The following NELL1 variants were observed in gnomAD, a reference collection of about 807,000 sequenced individuals.
The protein encoded by NELL1 is protein kinase C-binding protein NELL1.
In NELL1, 76 loss-of-function variants were observed where a neutral mutation model predicts 107.4. The observed-to-expected ratio is 0.71, with a 90% CI of 0.59 to 0.86. The LOEUF (loss-of-function observed/expected upper bound fraction) is 0.86, where lower values mean the gene tolerates loss of function less well. Ranked by LOEUF, NELL1 falls within the 40% of genes least tolerant of loss-of-function variation. The pLI, the probability that NELL1 is intolerant of heterozygous loss-of-function variation, is 0.00. For missense variants in NELL1, 1,024 were observed against 1,005.5 expected, an observed-to-expected ratio of 1.02 and a Z score of -0.25; for synonymous variants, 353 against 341.2, an observed-to-expected ratio of 1.03 and a Z score of -0.38.
At chr11:21,288,824 T>G (rs1326801960) in intron 14 of NELL1, among the ~76,000 whole-genome samples, 1 of 152,174 alleles carries the variant, frequency 6.6e-6, no homozygotes, top group Non-Finnish European at 1.5e-5. Context: ...AATCACCTCA[T>G]TCACATGGCT....
chr11:21,209,187 T>C (rs1364115035), intron 13 of NELL1, among the ~76,000 whole-genome samples: 1 of 152,082 alleles, frequency 6.6e-6, no homozygotes, highest in Non-Finnish European at 1.5e-5. Context: ...AACTGTGTTG[T>C]ATTATAAATA....
chr11:21,337,448 T>C (rs1337446799), intron 14 of NELL1, among the ~76,000 whole-genome samples: 1 of 152,204 alleles, frequency 6.6e-6, no homozygotes. Context: ...TCTTCCATTT[T>C]ATAGCTATGC....
At chr11:20,757,104 T>G (rs1277829778) in intron 2 of NELL1, among the ~76,000 whole-genome samples, 3 of 152,082 alleles carry the variant, frequency 2.0e-5, no homozygotes, top group Non-Finnish European at 4.4e-5. Context: ...TTTTTCTCTG[T>G]AACTCCTTTC....
At chr11:21,041,776 G>T (rs1853238920) in intron 12 of NELL1, among the ~76,000 whole-genome samples, 2 of 152,260 alleles carry the variant, frequency 1.3e-5, no homozygotes, top group Non-Finnish European at 2.9e-5. Flanking sequence ...AATAATTATG[G>T]GTCTTACACA....
chr11:20,905,537 G>C (rs1407064963), intron 5 of NELL1, among the ~76,000 whole-genome samples: 1 of 152,000 alleles, frequency 6.6e-6, no homozygotes, highest in African/African-American at 2.4e-5. Context: ...AAAGAAATAA[G>C]TCACGAAAAT....
At chr11:21,059,505 C>G (rs1392455091) in intron 12 of NELL1, among the ~76,000 whole-genome samples, 1 of 152,000 alleles carries the variant, frequency 6.6e-6, no homozygotes, top group African/African-American at 2.4e-5. Context: ...CAAAAGGCAT[C>G]CCAATAAGAA....
At chr11:21,358,469 C>T (rs760880951) in intron 14 of NELL1, among the ~76,000 whole-genome samples, 26 of 151,516 alleles carry the variant, frequency 1.7e-4, no homozygotes, top group Admixed American at 1.4e-3. Flanking sequence ...GCATGATCTC[C>T]GCTCACTGCA....
chr11:20,716,559 G>A (rs1407756800), intron 2 of NELL1, among the ~76,000 whole-genome samples: 2 of 152,104 alleles, frequency 1.3e-5, no homozygotes, highest in African/African-American at 2.4e-5. Flanking sequence ...GTCCATGTAC[G>A]TGTGTATGTA....
chr11:20,933,056 G>A (rs748072233), intron 9 of NELL1, among the ~76,000 whole-genome samples: 1 of 152,238 alleles, frequency 6.6e-6, no homozygotes, highest in African/African-American at 2.4e-5. Flanking sequence ...AAATAAACCA[G>A]TGTTGGTTTT....
chr11:21,384,342 G>A (rs1945447), intron 15 of NELL1, among the ~76,000 whole-genome samples: 4,819 of 151,886 alleles, frequency 0.032, 268 homozygotes, highest in African/African-American at 0.11. Context: ...GGGCCCACCT[G>A]CCTATTAAAT....
chr11:20,755,559 T>TTTTTTTTTTTTTTTTTTTTTTTA (rs1337491294), intron 2 of NELL1, among the ~76,000 whole-genome samples: 1 of 17,668 alleles, frequency 5.7e-5, no homozygotes, highest in African/African-American at 1.0e-4. Flanking sequence ...TGTTTTTGTT[T>TTTTTTTTTTTTTTTTTTTTTTTA]TTGTTTTTTT....
At chr11:21,304,897 A>C (rs952444483) in intron 14 of NELL1, among the ~76,000 whole-genome samples, 5 of 151,966 alleles carry the variant, frequency 3.3e-5, no homozygotes, top group African/African-American at 1.2e-4. Context: ...AGAAGATAGG[A>C]AGTAAGGATA....
intron 2 of NELL1, among the ~76,000 whole-genome samples, chr11:20,731,859 A>C (rs1031980938): frequency 6.6e-6 from 1 of 152,190 alleles, no homozygotes; most frequent in African/African-American, 2.4e-5. Flanking sequence ...AGGTGTGCGC[A>C]GATACATGTG....
At chr11:20,875,458 A>G (rs1000871394) in intron 4 of NELL1, among the ~76,000 whole-genome samples, 1 of 152,210 alleles carries the variant, frequency 6.6e-6, no homozygotes, top group Non-Finnish European at 1.5e-5. Context: ...AGTCCCAGCT[A>G]CTTGGGAGGC....
intron 10 of NELL1, among the ~76,000 whole-genome samples, chr11:20,942,177 T>C (rs1850868867): frequency 6.6e-6 from 1 of 152,238 alleles, no homozygotes. Flanking sequence ...TATGGAGAGC[T>C]GGGAAGGAAA....
intron 14 of NELL1, among the ~76,000 whole-genome samples, chr11:21,285,827 G>A (rs1411163943): frequency 6.6e-6 from 1 of 152,208 alleles, no homozygotes; most frequent in East Asian, 1.9e-4. Context: ...TGAGCTAAAT[G>A]TTTACTGTCA....
chr11:20,969,505 A>G (rs1313443142), intron 12 of NELL1, among the ~76,000 whole-genome samples: 1 of 152,014 alleles, frequency 6.6e-6, no homozygotes, highest in African/African-American at 2.4e-5. Flanking sequence ...AATTAAAGTA[A>G]TGTGAACATG....
chr11:21,223,338 CT>C (rs950194829), intron 13 of NELL1, among the ~76,000 whole-genome samples: 1 of 151,630 alleles, frequency 6.6e-6, no homozygotes, highest in African/African-American at 2.4e-5. Context: ...TTTCTTTTTT[CT>C]TTTTTTTACT....
Position 20,947,455 on chromosome 11 carries a change from G to T in NELL1, c.1171+20G>T. Reference sequence around the variant, plus strand: ...GTAGAGGTAAGTGGGCTTGGTGGTGGGCCATGCGTGGGGTGAGGCTGGGGC... The same window carrying T: ...GTAGAGGTAAGTGGGCTTGGTGGTGTGCCATGCGTGGGGTGAGGCTGGGGC... On this transcript the variant is annotated intron_variant, in intron 11 of 19. Transcript: ENST00000357134. The T allele has an allele frequency of 6.3e-7, 1 of 1,576,376 alleles. No homozygotes were observed.
Sources: gnomAD v4.1 joint callset for allele counts (sites outside exome capture counted in the v4.1 genomes callset) on GRCh38, gnomAD v4.1.1 for gene constraint, MANE v1.5 for transcripts, NCBI Gene and HGNC (gene_info 2026-07-23, HGNC 2026-07-21) for gene names.